The following CTIF variants were observed in gnomAD, a reference collection of about 807,000 sequenced individuals.
The protein encoded by CTIF is CBP80/20-dependent translation initiation factor.
CTIF carries 21 observed loss-of-function variants against 66.0 expected under a neutral mutation model. The ratio of observed to expected loss-of-function variants is 0.32; its 90% confidence interval spans 0.23 to 0.46. The LOEUF is 0.46. Among genes scored for constraint, CTIF ranks in the 20% least tolerant of loss-of-function variants. CTIF has a pLI of 1.00. For missense variants in CTIF, 739 were observed against 812.7 expected, an observed-to-expected ratio of 0.91 and a Z score of 1.10; for synonymous variants, 345 against 326.4, an observed-to-expected ratio of 1.06 and a Z score of -0.62.
Position 48,761,333 on chromosome 18 carries a change from C to T in CTIF, c.1072-57C>T, listed in dbSNP as rs1408547737. On this transcript the variant is annotated intron_variant, in intron 8 of 11. Coordinates refer to ENST00000256413, the MANE Select transcript of CTIF (RefSeq NM_014772.3). This position sits in a 1 kb window ranked among gnomAD's most constrained non-coding sequence, Gnocchi z 4.2. ...GCCACCCTCTTTCCACCAGGCCACC[C>T]CTGCACAGAGACCTCGGCTTCACTC... 2 of 1,559,896 alleles carry T rather than the reference C, an allele frequency of 1.3e-6. No individual in the cohort carries two copies. The highest frequency in any genetic ancestry group is 1.7e-6 in the Non-Finnish European group (2 of 1,145,554).
intron 7 of CTIF, among the ~76,000 whole-genome samples, chr18:48,730,725 G>GCTTCTGCGGTGTGAGGGT (rs2092448629): frequency 6.8e-6 from 1 of 146,022 alleles, no homozygotes; most frequent in Non-Finnish European, 1.5e-5. Context: ...GGTGTGAGGG[G>GCTTCTGCGGTGTGAGGGT]CTTCCGTGGT....
At chr18:48,576,867 G>A (rs929187279) in intron 1 of CTIF, among the ~76,000 whole-genome samples, 8 of 152,252 alleles carry the variant, frequency 5.3e-5, no homozygotes, top group African/African-American at 9.6e-5. Flanking sequence ...TCTGGGCTTC[G>A]CCACTGAGGA....
intron 1 of CTIF, among the ~76,000 whole-genome samples, chr18:48,585,176 A>G (rs537156912): frequency 1.1e-4 from 17 of 152,382 alleles, no homozygotes; most frequent in African/African-American, 3.8e-4. Context: ...GTGCCAGGGC[A>G]GACCAAGCTG....
chr18:48,859,239 C>G, intron 11 of CTIF, 105 bp from the exon 12 acceptor site: 4 of 963,630 alleles, frequency 4.2e-6, no homozygotes, highest in Non-Finnish European at 6.6e-6. Flanking sequence ...GCCTGTGTGT[C>G]CTTAAGACAA....
rs1038308 is a variant in CTIF, at chr18:48,758,216, T to C, written c.882T>C (p.Leu294=). 0.79 allele frequency: 1,271,316 copies of C among 1,613,324 alleles called. 502,564 individuals carry two copies. Among genetic ancestry groups the C allele is most frequent in the African/African-American group, 0.96 (72,079 of 74,920 alleles). ...DTAGDTGHSS[L]EAPRSPDTLA... is the part of the protein sequence containing the mutation. Reference sequence around the variant, plus strand: ...CAGGGGACACCGGGCACAGCAGCCTTGAGGCCCCCCGCAGCCCTGACACCC... The same window carrying C: ...CAGGGGACACCGGGCACAGCAGCCTCGAGGCCCCCCGCAGCCCTGACACCC... The change falls in exon 8 of 12, where the codon CTT becomes CTC. Residue 294 remains leucine (L), a synonymous_variant. Coordinates refer to ENST00000256413, the MANE Select transcript of CTIF (RefSeq NM_014772.3).
Position 48,848,522 on chromosome 18 carries a change from G to A in CTIF, c.1528-9066G>A, listed in dbSNP as rs1254724557. 1.3e-5 allele frequency among the ~76,000 whole-genome samples: 2 copies of A among 152,238 alleles called. 1 individual carries two copies. The highest frequency in any genetic ancestry group is 2.9e-5 in the Non-Finnish European group (2 of 68,032). Reference sequence around the variant, plus strand: ...GCTGTGGGTGAGCTGAGGTGGTCAAGGTGGGCTGGCCAGCCCGGCTTGGAT... The same window carrying A: ...GCTGTGGGTGAGCTGAGGTGGTCAAAGTGGGCTGGCCAGCCCGGCTTGGAT... On this transcript the variant is annotated intron_variant, in intron 10 of 11. Transcript: ENST00000256413.
intron 9 of CTIF, among the ~76,000 whole-genome samples, chr18:48,793,538 A>T (rs1159371247): frequency 6.6e-6 from 1 of 152,178 alleles, no homozygotes; most frequent in Admixed American, 6.5e-5. Flanking sequence ...ATTTCTGACA[A>T]AATGTTTCCT....
intron 8 of CTIF, chr18:48,760,371 AG>A: frequency 6.6e-6 from 1 of 152,180 alleles, no homozygotes; most frequent in Admixed American, 6.5e-5. Flanking sequence ...CCACCATGGA[AG>A]GGCTCAAGGA....
intron 10 of CTIF, among the ~76,000 whole-genome samples, chr18:48,843,942 G>A (rs779548186): frequency 3.3e-5 from 5 of 152,208 alleles, no homozygotes; most frequent in African/African-American, 1.2e-4. Flanking sequence ...CATGAAGAGC[G>A]TTGCAGTGGT....
At chr18:48,602,713 T>C (rs2090112111) in intron 1 of CTIF, among the ~76,000 whole-genome samples, 1 of 152,236 alleles carries the variant, frequency 6.6e-6, no homozygotes, top group Admixed American at 6.5e-5. Flanking sequence ...GTGTGATCGC[T>C]TCTCTGCCCT....
At chr18:48,577,073 G>C (rs374439415) in intron 1 of CTIF, among the ~76,000 whole-genome samples, 19 of 152,180 alleles carry the variant, frequency 1.2e-4, no homozygotes, top group African/African-American at 4.3e-4. Flanking sequence ...AGGCTGGCCT[G>C]GGGGAGCCAG....
chr18:48,589,357 G>C (rs73956938), intron 1 of CTIF, among the ~76,000 whole-genome samples: 1 of 152,114 alleles, frequency 6.6e-6, no homozygotes, highest in Non-Finnish European at 1.5e-5. Flanking sequence ...GGGCTATGCC[G>C]GTCCCCTGCC....
intron 6 of CTIF, among the ~76,000 whole-genome samples, chr18:48,681,159 C>G (rs759709482): frequency 2.0e-5 from 3 of 152,258 alleles, no homozygotes; most frequent in Non-Finnish European, 2.9e-5. Context: ...AGCCCAGGGA[C>G]CTCCCTCCTA....
chr18:48,711,611 T>C lies in CTIF; in HGVS notation c.508-8T>C, dbSNP rs1462084786. On this transcript the variant is annotated splice_polypyrimidine_tract_variant and splice_region_variant and intron_variant, in intron 6 of 11. Transcript: ENST00000256413. ...CTAATGATCCCCCTTCCTCCCCCCA[T>C]GACACAGGGCTACCACCCGATGCCC... 6.2e-7 allele frequency: 1 copy of C among 1,613,000 alleles called. No individual in the cohort carries two copies. Among genetic ancestry groups the C allele is most frequent in the South Asian group, 1.1e-5 (1 of 91,028 alleles).
At chr18:48,829,208 AAATCCTTTGGGGT>A (rs574321499) in intron 10 of CTIF, among the ~76,000 whole-genome samples, 4 of 152,288 alleles carry the variant, frequency 2.6e-5, no homozygotes, top group South Asian at 4.1e-4. Flanking sequence ...CTAGATTTTT[AAATCCTTTGGGGT>A]AATCCTTTGG....
In CTIF at chr18:48,859,634, G is replaced by A; in HGVS notation, c.*75G>A. 1 of 1,417,066 alleles carries A rather than the reference G, an allele frequency of 7.1e-7. No individual in the cohort carries two copies. Among genetic ancestry groups the A allele is most frequent in the South Asian group, 1.2e-5 (1 of 86,948 alleles). The allele number at this position is 1,417,066 out of a possible 1,614,324, so 87.8% of individuals were successfully genotyped here. A position where few individuals can be genotyped will look rare whatever the true frequency, so the allele number is the denominator to read the frequency against. ...ACAGGGCCAGATGGACAGGCGGGAG[G>A]ACAGGGGTGGCCCTGGCGGGAGAAA... On this transcript the variant is annotated 3_prime_UTR_variant, in exon 12 of 12. Coordinates refer to ENST00000256413, the MANE Select transcript of CTIF (RefSeq NM_014772.3).
rs1435381011 is a variant in CTIF, at chr18:48,859,782, A to G, written c.*223A>G. On this transcript the variant is annotated 3_prime_UTR_variant, in exon 12 of 12. Coordinates refer to ENST00000256413, the MANE Select transcript of CTIF (RefSeq NM_014772.3). ...AGCCCGAGCATGCAAGCTCACACCA[A>G]TAAGGGAAGCATGTTTCTTTTTCCT... The G allele has an allele frequency of 1.5e-6, 1 of 683,730 alleles. No individual in the cohort carries two copies. Among genetic ancestry groups the G allele is most frequent in the South Asian group, 1.5e-5 (1 of 66,582 alleles). 42.4% of individuals were successfully genotyped at this position (683,730 alleles called of 1,614,324 possible).
At position 48,860,490 on chromosome 18, in the gene CTIF, T is replaced by A. The variant is rs538180567; in HGVS notation, c.*931T>A. The A allele has an allele frequency of 6.4e-6, 1 of 155,476 alleles. No individual in the cohort carries two copies. The highest frequency in any genetic ancestry group is 2.4e-5 in the African/African-American group (1 of 41,628). The allele number at this position is 155,476 out of a possible 1,614,324, so 9.6% of individuals were successfully genotyped here. A position where few individuals can be genotyped will look rare whatever the true frequency, so the allele number is the denominator to read the frequency against. On this transcript the variant is annotated 3_prime_UTR_variant, in exon 12 of 12. Coordinates refer to ENST00000256413, the MANE Select transcript of CTIF (RefSeq NM_014772.3). ...GCTGGAATCCTGTGTTCCTCGCCAC[T>A]GGCTTCCAGCGCCTCTGTTTTCTCA...
intron 1 of CTIF, 124 bp from the exon 2 acceptor site, chr18:48,619,414 G>A (rs2090452567): frequency 9.7e-6 from 6 of 620,034 alleles, no homozygotes; most frequent in Non-Finnish European, 1.5e-5. Context: ...CAGGGTTGTT[G>A]GAAGAACAGA....
Sources: gnomAD v4.1 joint callset for allele counts (sites outside exome capture counted in the v4.1 genomes callset) on GRCh38, gnomAD v4.1.1 for gene constraint, Gnocchi (gnomAD v3.1) non-coding constraint, MANE v1.5 for transcripts, NCBI Gene and HGNC (gene_info 2026-07-23, HGNC 2026-07-21) for gene names.